The following POLR3GL variants were observed in gnomAD, a reference collection of about 807,000 sequenced individuals.
POLR3GL encodes the protein DNA-directed RNA polymerase III subunit RPC7-like.
Under a neutral mutation model 32.4 loss-of-function variants are expected in POLR3GL, and 26 were observed. The observed-to-expected ratio is 0.80, with a 90% CI of 0.59 to 1.11. The LOEUF (loss-of-function observed/expected upper bound fraction) is 1.11, where lower values mean the gene tolerates loss of function less well. POLR3GL is among the 50% of genes most tolerant of loss of function. The pLI is 0.00. For synonymous variants in POLR3GL, 95 were observed against 98.7 expected, an observed-to-expected ratio of 0.96 and a Z score of 0.22; for missense variants, 229 against 280.1, an observed-to-expected ratio of 0.82 and a Z score of 1.30.
intron 1 of POLR3GL, among the ~76,000 whole-genome samples, chr1:145,965,893 A>T (rs1649997952): frequency 6.6e-6 from 1 of 152,032 alleles, no homozygotes; most frequent in Non-Finnish European, 1.5e-5. Flanking sequence ...AGGCGGGCAG[A>T]TCGCCTGAGG....
intron 5 of POLR3GL, 64 bp downstream of exon 5, chr1:145,977,603 C>G (rs782677456): frequency 1.1e-5 from 16 of 1,491,694 alleles, no homozygotes; most frequent in Non-Finnish European, 1.5e-5. Flanking sequence ...AGGGCCGAGG[C>G]TGCTGCTGGT....
chr1:145,972,050 A>G (rs1451066182), intron 1 of POLR3GL, among the ~76,000 whole-genome samples: 3 of 145,190 alleles, frequency 2.1e-5, no homozygotes, highest in Middle Eastern at 3.5e-3. Flanking sequence ...AGAGAGAGAG[A>G]GAGAGAGAAA....
At chr1:145,964,960 A>G (rs1204606128) in intron 1 of POLR3GL, among the ~76,000 whole-genome samples, 192 bp downstream of exon 1, 1 of 152,178 alleles carries the variant, frequency 6.6e-6, no homozygotes, top group African/African-American at 2.4e-5. Flanking sequence ...GCATGGGGAG[A>G]GACATTAAAG....
At chr1:145,977,719 GGGCTATAAAGCT>G (rs1553763697) in intron 5 of POLR3GL, 47 bp from the exon 6 acceptor site, 1 of 1,486,516 alleles carries the variant, frequency 6.7e-7, no homozygotes, top group Admixed American at 1.7e-5. Context: ...GCATGAGGAT[GGGCTATAAAGCT>G]GGCAAAATTT....
chr1:145,970,053 A>G (rs587717473), intron 1 of POLR3GL, among the ~76,000 whole-genome samples: 110 of 152,270 alleles, frequency 7.2e-4, no homozygotes, highest in African/African-American at 2.3e-3. Flanking sequence ...ATATGTGTGT[A>G]TGTATTTCTG....
chr1:145,977,573 A>G lies in POLR3GL; in HGVS notation c.382+34A>G, dbSNP rs587611022. The G allele has an allele frequency of 1.0e-5, 16 of 1,598,932 alleles. No individual in the cohort carries two copies. In the East Asian group the frequency reaches 3.3e-4, roughly 33 times the overall value. On this transcript the variant is annotated intron_variant, in intron 5 of 7. Coordinates refer to ENST00000369314, the MANE Select transcript of POLR3GL (RefSeq NM_032305.3). ...ATCTGGAAAAAAGGAGGGAGAAGAGAGGTTTCCTTCATCAGCCTGAGGGCC... is the reference window on the plus strand; with the variant it reads ...ATCTGGAAAAAAGGAGGGAGAAGAGGGGTTTCCTTCATCAGCCTGAGGGCC...
chr1:145,977,547 T>C lies in POLR3GL; in HGVS notation c.382+8T>C. 6.2e-7 allele frequency: 1 copy of C among 1,613,384 alleles called. No individual in the cohort carries two copies. The highest frequency in any genetic ancestry group is 2.2e-5 in the East Asian group (1 of 44,884). ...GGAAGCTACAGAAGGAACGTGAGTG[T>C]ATCTGGAAAAAAGGAGGGAGAAGAG... is the stretch of plus-strand genomic sequence containing the variant. On this transcript the variant is annotated splice_region_variant and intron_variant, in intron 5 of 7. Coordinates refer to ENST00000369314, the MANE Select transcript of POLR3GL (RefSeq NM_032305.3).
chr1:145,973,291 CAG>C (rs1650407546), intron 1 of POLR3GL, among the ~76,000 whole-genome samples: 2 of 152,036 alleles, frequency 1.3e-5, no homozygotes, highest in African/African-American at 4.8e-5. Context: ...TGATAAGAGA[CAG>C]AGTGAAAATT....
intron 1 of POLR3GL, among the ~76,000 whole-genome samples, chr1:145,966,939 G>A (rs1341365553): frequency 6.6e-6 from 1 of 152,076 alleles, no homozygotes; most frequent in Non-Finnish European, 1.5e-5. Flanking sequence ...ATCTGTGACT[G>A]TATATCTGTT....
rs1370982555 is a variant in POLR3GL, at chr1:145,977,551, T to C, written c.382+12T>C. ...GCTACAGAAGGAACGTGAGTGTATC[T>C]GGAAAAAAGGAGGGAGAAGAGAGGT... On this transcript the variant is annotated intron_variant, in intron 5 of 7. Coordinates refer to ENST00000369314, the MANE Select transcript of POLR3GL (RefSeq NM_032305.3). 1.2e-6 allele frequency: 2 copies of C among 1,612,832 alleles called. No individual in the cohort carries two copies. Among genetic ancestry groups the C allele is most frequent in the Non-Finnish European group, 1.7e-6 (2 of 1,178,858 alleles).
intron 1 of POLR3GL, among the ~76,000 whole-genome samples, chr1:145,968,086 A>T (rs1435457737): frequency 6.6e-6 from 1 of 152,180 alleles, no homozygotes; most frequent in Non-Finnish European, 1.5e-5. Flanking sequence ...CTTCCACCAC[A>T]ATATATATGT....
rs1553763229 is a variant in POLR3GL at position 145,975,323 on chromosome 1, C to T, written c.143C>T (p.Pro48Leu). Residue 48 changes from proline to leucine, a missense_variant, in exon 3 of 8, where the codon CCA (proline) becomes CTA (leucine). Transcript: ENST00000369314. ...SPLFPPLEFR[P>L]VPLPSGEEGE... is the part of the protein sequence containing the mutation. ...CCTCTTTAGCCCTTGGAGTTCCGCCCAGTACCTTTGCCCTCAGGCGAGGAA... is the reference window on the plus strand; with the variant it reads ...CCTCTTTAGCCCTTGGAGTTCCGCCTAGTACCTTTGCCCTCAGGCGAGGAA... The T allele has an allele frequency of 1.2e-6, 2 of 1,614,204 alleles. No homozygotes were observed. The highest frequency in any genetic ancestry group is 1.1e-5 in the South Asian group (1 of 91,088).
intron 2 of POLR3GL, 121 bp downstream of exon 2, chr1:145,975,112 A>G (rs1483911373): frequency 2.0e-5 from 27 of 1,324,668 alleles, no homozygotes; most frequent in Non-Finnish European, 2.6e-5. Flanking sequence ...TATACTCCCA[A>G]TGCACAGGGA....
At chr1:145,972,012 A>ATATATATATATATATGTG (rs782186587) in intron 1 of POLR3GL, among the ~76,000 whole-genome samples, 9 of 112,602 alleles carry the variant, frequency 8.0e-5, no homozygotes, top group African/African-American at 3.7e-4. Context: ...ATATATATAT[A>ATATATATATATATATGTG]CGTGTGTGTG....
At position 145,977,764 on chromosome 1, in the gene POLR3GL, G is replaced by A; in HGVS notation, c.383-14G>A. On this transcript the variant is annotated splice_polypyrimidine_tract_variant and intron_variant, in intron 5 of 7. Transcript: ENST00000369314. ...TTTGCTCTCTGAAGGTTTACCTTTT[G>A]ATCCCTCCACCAGGGATTACAATTC... is the stretch of plus-strand genomic sequence containing the variant. 1 of 1,612,450 alleles carries A rather than the reference G, an allele frequency of 6.2e-7. No homozygotes were observed. Among genetic ancestry groups the A allele is most frequent in the South Asian group, 1.1e-5 (1 of 91,028 alleles).
chr1:145,976,436 A>G (rs1364360889), intron 3 of POLR3GL, among the ~76,000 whole-genome samples: 1 of 149,048 alleles, frequency 6.7e-6, no homozygotes, highest in Non-Finnish European at 1.5e-5. Context: ...AAAATTAGCC[A>G]GGCCTGGTGG....
At chr1:145,978,233 CT>C in intron 7 of POLR3GL, 127 bp from the exon 8 acceptor site, 1 of 1,318,428 alleles carries the variant, frequency 7.6e-7, no homozygotes, top group Non-Finnish European at 1.1e-6. Flanking sequence ...ATCTGCCCCC[CT>C]TCTACAAACT....
At chr1:145,975,495 C>CT in intron 3 of POLR3GL, 59 bp downstream of exon 3, 1 of 1,585,074 alleles carries the variant, frequency 6.3e-7, no homozygotes, top group East Asian at 2.3e-5. Flanking sequence ...GCCCTGTGCT[C>CT]AGCACCACTG....
chr1:145,975,419 C>G lies in POLR3GL; in HGVS notation c.239C>G (p.Pro80Arg). 6.2e-7 allele frequency: 1 copy of G among 1,614,036 alleles called. No individual in the cohort carries two copies. The highest frequency in any genetic ancestry group is 8.5e-7 in the Non-Finnish European group (1 of 1,179,886). ...AMRQLPYFIR[P>R]AVPKRDVERY... Reference sequence around the variant, plus strand: ...AGGCAGCTCCCCTACTTCATCCGGCCAGCTGTCCCCAAGAGAGGTCAGTTG... The same window carrying G: ...AGGCAGCTCCCCTACTTCATCCGGCGAGCTGTCCCCAAGAGAGGTCAGTTG... Residue 80 changes from proline (P) to arginine (R), a missense_variant, in exon 3 of 8, where the codon CCA becomes CGA. Coordinates refer to ENST00000369314, the MANE Select transcript of POLR3GL (RefSeq NM_032305.3).
Sources: gnomAD v4.1 joint callset for allele counts (sites outside exome capture counted in the v4.1 genomes callset) on GRCh38, gnomAD v4.1.1 for gene constraint, MANE v1.5 for transcripts, NCBI Gene and HGNC (gene_info 2026-07-23, HGNC 2026-07-21) for gene names.